The following RAP1B variants were observed in gnomAD, a reference collection of about 807,000 sequenced individuals.
The protein encoded by RAP1B is RAP1B, member of RAS oncogene family, also known as ras-related protein Rap-1b.
RAP1B carries 1 observed loss-of-function variant against 27.5 expected under a neutral mutation model. That is an observed-to-expected ratio of 0.04 (90% CI 0.01 to 0.17). The LOEUF (loss-of-function observed/expected upper bound fraction) is 0.17. Among genes scored for constraint, RAP1B ranks in the 10% least tolerant of loss-of-function variants. The probability of loss-of-function intolerance (pLI) is 1.00; values close to 1 mark genes in which losing one functional copy is unlikely to be tolerated. For synonymous variants in RAP1B, 75 were observed against 73.1 expected (o/e 1.03, Z -0.13); for missense variants, 84 against 214.8 (o/e 0.39, Z 3.81).
rs117226073 is a variant in RAP1B at position 68,632,784 on chromosome 12, G to C, written c.-26-15915G>C. Among the ~76,000 whole-genome samples the C allele has an allele frequency of 4.9e-4, 74 of 152,220 alleles. No homozygotes were observed. In the East Asian group the frequency reaches 6.0e-3, roughly 12 times the overall value. ...TACTTAACTCTCCTTTTTACAAAAG[G>C]CTTCAGATAAAGAGGAAATGGGAGC... On this transcript the variant is annotated intron_variant, in intron 1 of 7. Transcript: ENST00000250559.
chr12:68,639,647 T>G (rs558876144), intron 1 of RAP1B, among the ~76,000 whole-genome samples: 2 of 152,254 alleles, frequency 1.3e-5, no homozygotes, highest in South Asian at 4.1e-4. Flanking sequence ...CATATCCTCC[T>G]CTAAAGAGCT....
chr12:68,650,353 G>A (rs1405739809), intron 2 of RAP1B, 47 bp from the exon 3 acceptor site: 1 of 1,417,258 alleles, frequency 7.1e-7, no homozygotes, highest in Admixed American at 2.6e-5. Flanking sequence ...AAGATTGAAT[G>A]TACTCTTTTC....
At chr12:68,620,583 A>G (rs1871321067) in intron 1 of RAP1B, among the ~76,000 whole-genome samples, 1 of 151,008 alleles carries the variant, frequency 6.6e-6, no homozygotes. Flanking sequence ...TCATGGGATA[A>G]GTCCAAATTT....
chr12:68,645,578 T>G (rs1873346233), intron 1 of RAP1B, among the ~76,000 whole-genome samples: 1 of 152,190 alleles, frequency 6.6e-6, no homozygotes, highest in Non-Finnish European at 1.5e-5. Context: ...GCTATACAAA[T>G]AACAGGTGCT....
intron 1 of RAP1B, among the ~76,000 whole-genome samples, chr12:68,631,449 T>C (rs921257439): frequency 7.2e-5 from 11 of 152,226 alleles, no homozygotes; most frequent in African/African-American, 2.7e-4. Flanking sequence ...TTCTCAGTAT[T>C]CATGTTTATC....
chr12:68,632,076 G>C (rs886856678), intron 1 of RAP1B, among the ~76,000 whole-genome samples: 7 of 145,282 alleles, frequency 4.8e-5, no homozygotes, highest in African/African-American at 1.8e-4. Context: ...TCTTTTTAAA[G>C]AATAAACACA....
intron 1 of RAP1B, chr12:68,626,893 T>C: frequency 1.3e-6 from 2 of 1,576,512 alleles, no homozygotes; most frequent in Non-Finnish European, 1.7e-6. Context: ...GCCCGCCACT[T>C]GTCCACAGGG....
At chr12:68,643,221 T>G (rs1178553111) in intron 1 of RAP1B, among the ~76,000 whole-genome samples, 4 of 152,198 alleles carry the variant, frequency 2.6e-5, no homozygotes, top group Non-Finnish European at 4.4e-5. Context: ...TTACTTCCTA[T>G]CCTCTTTTTG....
rs180923767 is a variant in RAP1B at position 68,666,834 on chromosome 12, G to T, written c.*7585G>T. On this transcript the variant is annotated 3_prime_UTR_variant, in exon 8 of 8. Coordinates refer to ENST00000250559, the MANE Select transcript of RAP1B (RefSeq NM_001010942.3). ...CTGAACTGAATCAGCAGACCCTCAG[G>T]TCTCCCTAGAGAGATCCTGAGCACC... The T allele has an allele frequency of 1.6e-4, 25 of 152,212 alleles. No homozygotes were observed. The highest frequency in any genetic ancestry group is 6.5e-4 in the Admixed American group (10 of 15,290). The allele number at this position is 152,212 out of a possible 1,614,324, so 9.4% of individuals were successfully genotyped here.
chr12:68,619,364 G>GTA (rs1388241814), intron 1 of RAP1B, among the ~76,000 whole-genome samples: 1 of 152,156 alleles, frequency 6.6e-6, no homozygotes, highest in Non-Finnish European at 1.5e-5. Flanking sequence ...ATCAGCTGCT[G>GTA]TAAGTATATA....
intron 7 of RAP1B, among the ~76,000 whole-genome samples, chr12:68,658,429 G>A (rs1874381775): frequency 6.6e-6 from 1 of 152,154 alleles, no homozygotes; most frequent in Admixed American, 6.5e-5. Flanking sequence ...CTCAGAATGA[G>A]GACCTAAAGT....
intron 5 of RAP1B, 84 bp downstream of exon 5, chr12:68,654,336 C>G: frequency 1.4e-6 from 1 of 738,548 alleles, no homozygotes. Flanking sequence ...CATTTTAAAG[C>G]TTGTGTATTT....
intron 4 of RAP1B, among the ~76,000 whole-genome samples, chr12:68,653,244 T>C (rs1329352225): frequency 6.6e-6 from 1 of 152,004 alleles, no homozygotes; most frequent in Non-Finnish European, 1.5e-5. Context: ...GTATCTGTTC[T>C]CCTTCAACGT....
At position 68,657,222 on chromosome 12, in the gene RAP1B, G is replaced by A. The variant is rs1874269421; in HGVS notation, c.*30+5G>A. 2 of 1,543,622 alleles carry A rather than the reference G, an allele frequency of 1.3e-6. No individual in the cohort carries two copies. Among genetic ancestry groups the A allele is most frequent in the African/African-American group, 1.4e-5 (1 of 73,260 alleles). On this transcript the variant is annotated splice_donor_5th_base_variant and intron_variant, in intron 7 of 7. Coordinates refer to ENST00000250559, the MANE Select transcript of RAP1B (RefSeq NM_001010942.3). ...TGCATTGTAGCTCTGAGCCAGGTAT[G>A]TTCACTTATCTTTCCTCTAACTTTT...
chr12:68,654,056 TA>T, intron 4 of RAP1B, 55 bp from the exon 5 acceptor site: 1 of 1,453,474 alleles, frequency 6.9e-7, no homozygotes, highest in Non-Finnish European at 9.6e-7. Flanking sequence ...GTGAAAATTG[TA>T]AAAATAACTG....
chr12:68,646,129 T>C (rs939186857), intron 1 of RAP1B, among the ~76,000 whole-genome samples: 4 of 152,024 alleles, frequency 2.6e-5, no homozygotes, highest in African/African-American at 9.7e-5. Context: ...GCCACCTTTG[T>C]GAAATAAGAA....
chr12:68,622,278 C>A (rs1284957016), intron 1 of RAP1B, among the ~76,000 whole-genome samples: 1 of 152,214 alleles, frequency 6.6e-6, no homozygotes, highest in Non-Finnish European at 1.5e-5. Context: ...CTCACAGGAG[C>A]TTCCTAACTT....
intron 1 of RAP1B, among the ~76,000 whole-genome samples, chr12:68,627,977 C>A (rs1052617895): frequency 2.0e-5 from 3 of 152,108 alleles, no homozygotes; most frequent in African/African-American, 7.2e-5. Context: ...GCATGCAGCA[C>A]ACGCCTATAG....
In RAP1B at chr12:68,610,946, C is replaced by A. The variant is rs1870515613; in HGVS notation, c.-124C>A. Reference sequence around the variant, plus strand: ...ATTCAGGCGTGTAAACCAGCCGGAGCGGCGCGGCAGCGGCAGGACCGCCGT... The same window carrying A: ...ATTCAGGCGTGTAAACCAGCCGGAGAGGCGCGGCAGCGGCAGGACCGCCGT... On this transcript the variant is annotated 5_prime_UTR_variant, in exon 1 of 8. Transcript: ENST00000250559. The A allele has an allele frequency of 6.5e-6, 2 of 308,880 alleles. No homozygotes were observed. Among genetic ancestry groups the A allele is most frequent in the Non-Finnish European group, 1.2e-5 (2 of 167,588 alleles). The allele number at this position is 308,880 out of a possible 1,614,324, so 19.1% of individuals were successfully genotyped here.
Sources: gnomAD v4.1 joint callset for allele counts (sites outside exome capture counted in the v4.1 genomes callset) on GRCh38, gnomAD v4.1.1 for gene constraint, MANE v1.5 for transcripts, NCBI Gene and HGNC (gene_info 2026-07-23, HGNC 2026-07-21) for gene names.